STX3: variants seen among roughly 807,000 people sequenced by gnomAD.
STX3 encodes the protein syntaxin 3, also known as syntaxin-3.
A neutral mutation model predicts 40.2 loss-of-function variants in STX3; 19 were observed. The ratio of observed to expected loss-of-function variants is 0.47; its 90% CI spans 0.33 to 0.69. The LOEUF (loss-of-function observed/expected upper bound fraction) is 0.69, where lower values mean the gene tolerates loss of function less well. STX3 is among the 30% of genes least tolerant of loss of function. The pLI, the probability that STX3 is intolerant of heterozygous loss-of-function variation, is 0.02. For missense variants in STX3, 364 were observed against 366.7 expected, an observed-to-expected ratio of 0.99 and a Z score of 0.06; for synonymous variants, 122 against 132.2, an observed-to-expected ratio of 0.92 and a Z score of 0.53.
At chr11:59,783,221 A>G (rs944169119) in intron 2 of STX3, among the ~76,000 whole-genome samples, 5 of 152,224 alleles carry the variant, frequency 3.3e-5, no homozygotes, top group African/African-American at 7.2e-5. Context: ...CCATTCTCCC[A>G]AAACAGTGGA....
chr11:59,803,062 A>C lies in STX3; in HGVS notation c.*2238A>C. The C allele has an allele frequency of 1.0e-6, 1 of 985,444 alleles. No individual in the cohort carries two copies. Among genetic ancestry groups the C allele is most frequent in the Non-Finnish European group, 1.2e-6 (1 of 829,928 alleles). The allele number at this position is 985,444 out of a possible 1,614,324, so 61.0% of individuals were successfully genotyped here. Reference sequence around the variant, plus strand: ...CACCAAAAATAACATTTCTGTTGGCATTCTGGGTCCTAGAAGCCAGATCCA... The same window carrying C: ...CACCAAAAATAACATTTCTGTTGGCCTTCTGGGTCCTAGAAGCCAGATCCA... On this transcript the variant is annotated 3_prime_UTR_variant, in exon 11 of 11. Transcript: ENST00000337979.
rs146904066 is a variant in STX3, at chr11:59,772,201, G to T, written c.31-1010G>T. On this transcript the variant is annotated intron_variant, in intron 1 of 10. Transcript: ENST00000337979. ...GCTTGTGAAGAAGCAGGTGTGGGGG[G>T]TTTATCCCCTGCCTCACCTCCACCT... Among the ~76,000 whole-genome samples, 166 of 152,336 alleles carry T rather than the reference G, an allele frequency of 1.1e-3. 4 individuals carry two copies. In the East Asian group the frequency reaches 0.03, roughly 27 times the overall value.
chr11:59,778,404 T>G (rs910335053), intron 2 of STX3, among the ~76,000 whole-genome samples: 1 of 152,136 alleles, frequency 6.6e-6, no homozygotes, highest in Non-Finnish European at 1.5e-5. Flanking sequence ...GTGGGCCTCC[T>G]TAGCTGGAAG....
intron 8 of STX3, 47 bp from the exon 9 acceptor site, chr11:59,795,325 C>A: frequency 1.3e-6 from 2 of 1,515,168 alleles, no homozygotes; most frequent in South Asian, 1.2e-5. Context: ...TTGGCTAGGA[C>A]TGACCTGAGA....
In STX3 at chr11:59,782,252, C is replaced by G. The variant is rs189288793; in HGVS notation, c.115-4785C>G. On this transcript the variant is annotated intron_variant, in intron 2 of 10. Coordinates refer to ENST00000337979, the MANE Select transcript of STX3 (RefSeq NM_004177.5). ...CACGCCCAACATGTAGAGTGATTGA[C>G]TTGGGTGTTGACCTTAGATTTCCTT... is the stretch of plus-strand genomic sequence containing the variant. Among the ~76,000 whole-genome samples the G allele has an allele frequency of 9.1e-4, 138 of 152,310 alleles. 2 individuals are homozygous for G. Among genetic ancestry groups the G allele is most frequent in the East Asian group, 3.9e-3 (20 of 5,186 alleles).
chr11:59,802,737 CA>C lies in STX3; in HGVS notation c.*1915del. On this transcript the variant is annotated 3_prime_UTR_variant, in exon 11 of 11. Coordinates refer to ENST00000337979, the MANE Select transcript of STX3 (RefSeq NM_004177.5). Reference sequence around the variant, plus strand: ...CTGGCTCTGTCTCGATGCAGAAACACAATGATCTGGTGCCACCATGTGGTGA... The same window carrying C: ...CTGGCTCTGTCTCGATGCAGAAACACATGATCTGGTGCCACCATGTGGTGA... 1 of 985,936 alleles carries C rather than the reference CA, an allele frequency of 1.0e-6. No individual in the cohort carries two copies. Among genetic ancestry groups the C allele is most frequent in the African/African-American group, 1.7e-5 (1 of 57,358 alleles). 61.1% of individuals were successfully genotyped at this position (985,936 alleles called of 1,614,324 possible).
chr11:59,755,455 G>A lies in STX3; in HGVS notation c.-151G>A. 1 of 909,688 alleles carries A rather than the reference G, an allele frequency of 1.1e-6. No homozygotes were observed. Among genetic ancestry groups the A allele is most frequent in the Non-Finnish European group, 1.5e-6 (1 of 661,680 alleles). 56.4% of individuals were successfully genotyped at this position (909,688 alleles called of 1,614,324 possible). ...CCCGTGGCCTCGGACGCTCCTCCTA[G>A]CTAGCGGCCGCCGCCCGCCGCCGCC... is the stretch of plus-strand genomic sequence containing the variant. On this transcript the variant is annotated 5_prime_UTR_variant, in exon 1 of 11. Transcript: ENST00000337979.
chr11:59,797,103 C>T (rs1033452299), intron 9 of STX3, among the ~76,000 whole-genome samples, 180 bp from the exon 10 acceptor site: 16 of 152,012 alleles, frequency 1.1e-4, no homozygotes, highest in African/African-American at 3.9e-4. Flanking sequence ...AGAGAAAAAC[C>T]CTGTCTTAAA....
intron 2 of STX3, among the ~76,000 whole-genome samples, chr11:59,781,100 T>TTTTTTTTTTTTTTTTTTTTTTCATATA (rs963410109): frequency 6.8e-6 from 1 of 146,308 alleles, no homozygotes; most frequent in African/African-American, 2.6e-5. Context: ...TTTTTTTTTT[T>TTTTTTTTTTTTTTTTTTTTTTCATATA]TATATTAGCA....
chr11:59,802,943 T>G lies in STX3; in HGVS notation c.*2119T>G. ...ATTTGGTTCAGTCCTTGGGAGTATC[T>G]GGCTTTAGGAGGAAATGGGGGAGAT... On this transcript the variant is annotated 3_prime_UTR_variant, in exon 11 of 11. Coordinates refer to ENST00000337979, the MANE Select transcript of STX3 (RefSeq NM_004177.5). 1 of 985,458 alleles carries G rather than the reference T, an allele frequency of 1.0e-6. No homozygotes were observed. The highest frequency in any genetic ancestry group is 1.7e-5 in the African/African-American group (1 of 57,362). The allele number at this position is 985,458 out of a possible 1,614,324, so 61.0% of individuals were successfully genotyped here.
chr11:59,768,075 A>G (rs541687667), intron 1 of STX3, among the ~76,000 whole-genome samples: 2 of 152,350 alleles, frequency 1.3e-5, no homozygotes, highest in South Asian at 2.1e-4. Flanking sequence ...ATATTATCAT[A>G]TTGAATTCTC....
At chr11:59,794,288 G>A (rs1234935220) in intron 8 of STX3, among the ~76,000 whole-genome samples, 1 of 152,176 alleles carries the variant, frequency 6.6e-6, no homozygotes, top group East Asian at 1.9e-4. Context: ...CGCTAGTTTC[G>A]CATAGTTAGA....
In STX3 at chr11:59,802,786, C is replaced by T. The variant is rs573316170; in HGVS notation, c.*1962C>T. On this transcript the variant is annotated 3_prime_UTR_variant, in exon 11 of 11. Coordinates refer to ENST00000337979, the MANE Select transcript of STX3 (RefSeq NM_004177.5). ...TGATTTTTATTCAGGTTTTAGAATG[C>T]AGTTCACACCTTTTTAAGCCATGTG... 24 of 986,600 alleles carry T rather than the reference C, an allele frequency of 2.4e-5. No homozygotes were observed. The African/African-American group carries it at 4.2e-4, about 17-fold the overall frequency. The allele number at this position is 986,600 out of a possible 1,614,324, so 61.1% of individuals were successfully genotyped here.
chr11:59,803,371 A>C lies in STX3; in HGVS notation c.*2547A>C. The C allele has an allele frequency of 1.0e-6, 1 of 991,024 alleles. No homozygotes were observed. The highest frequency in any genetic ancestry group is 5.1e-5 in the South Asian group (1 of 19,454). 61.4% of individuals were successfully genotyped at this position (991,024 alleles called of 1,614,324 possible). ...AACCTTTGTGTCTTGGGGGCACTCT[A>C]GGTGCCTTAATCTGGGTGGGATTAG... On this transcript the variant is annotated 3_prime_UTR_variant, in exon 11 of 11. Coordinates refer to ENST00000337979, the MANE Select transcript of STX3 (RefSeq NM_004177.5).
chr11:59,803,948 T>G lies in STX3; in HGVS notation c.*3124T>G, dbSNP rs555453799. ...GCTTCTCCTCTTTCCATTATGAAAC[T>G]TCTTAAGAAACAGGGCACCAATCAA... On this transcript the variant is annotated 3_prime_UTR_variant, in exon 11 of 11. Transcript: ENST00000337979. 1 of 153,258 alleles carries G rather than the reference T, an allele frequency of 6.5e-6. No individual in the cohort carries two copies. The highest frequency in any genetic ancestry group is 2.4e-5 in the African/African-American group (1 of 41,556). 9.5% of individuals were successfully genotyped at this position (153,258 alleles called of 1,614,324 possible).
In STX3 at chr11:59,800,977, T is replaced by C. The variant is rs113328109; in HGVS notation, c.*153T>C. ...GTTTCCTTGCAACCACCCTTGGACC[T>C]GACTCAGCTAACAATCTAGCCCTGG... On this transcript the variant is annotated 3_prime_UTR_variant, in exon 11 of 11. Coordinates refer to ENST00000337979, the MANE Select transcript of STX3 (RefSeq NM_004177.5). 5.4e-4 allele frequency: 834 copies of C among 1,533,464 alleles called. 5 individuals carry two copies. In the African/African-American group the frequency reaches 7.9e-3, roughly 14 times the overall value. 95.0% of individuals were successfully genotyped at this position (1,533,464 alleles called of 1,614,324 possible).
rs1183399459 is a variant in STX3, at chr11:59,803,656, G to C, written c.*2832G>C. Among the ~76,000 whole-genome samples, 1 of 152,142 alleles carries C rather than the reference G, an allele frequency of 6.6e-6. No homozygotes were observed. The highest frequency in any genetic ancestry group is 6.5e-5 in the Admixed American group (1 of 15,274). ...GCATTAGGTGCATCTTGAACTTTTT[G>C]GAAGAGGGCCGGCCACACAGTAAAT... On this transcript the variant is annotated 3_prime_UTR_variant, in exon 11 of 11. Coordinates refer to ENST00000337979, the MANE Select transcript of STX3 (RefSeq NM_004177.5).
In STX3 at chr11:59,801,428, G is replaced by T. The variant is rs1481084644; in HGVS notation, c.*604G>T. On this transcript the variant is annotated 3_prime_UTR_variant, in exon 11 of 11. Coordinates refer to ENST00000337979, the MANE Select transcript of STX3 (RefSeq NM_004177.5). ...AATTCAGCCTTAAATTAAGCTCTTA[G>T]TTGTTCAGCTTGGGGGGCAACTTTG... 4 of 986,848 alleles carry T rather than the reference G, an allele frequency of 4.1e-6. No individual in the cohort carries two copies. The East Asian group carries it at 3.4e-4, about 84-fold the overall frequency. The allele number at this position is 986,848 out of a possible 1,614,324, so 61.1% of individuals were successfully genotyped here.
intron 1 of STX3, among the ~76,000 whole-genome samples, chr11:59,770,306 G>A (rs760527319): frequency 1.4e-5 from 2 of 139,836 alleles, no homozygotes; most frequent in African/African-American, 2.7e-5. Flanking sequence ...TGTAGGGTGT[G>A]TGTTTATATG....
Sources: allele counts gnomAD v4.1 joint callset (sites outside exome capture counted in the v4.1 genomes callset), GRCh38; gene constraint gnomAD v4.1.1; transcripts MANE v1.5; gene names NCBI Gene and HGNC (gene_info 2026-07-23, HGNC 2026-07-21).